TBC1D22A: variants seen among roughly 807,000 people sequenced by gnomAD.
The protein encoded by TBC1D22A is TBC1 domain family member 22A, also known as putative GTPase activator.
Under a neutral mutation model 60.2 loss-of-function variants are expected in TBC1D22A, and 38 were observed. That is an observed-to-expected ratio of 0.63 (90% CI 0.49 to 0.83). The LOEUF (loss-of-function observed/expected upper bound fraction) is 0.83. TBC1D22A is among the 40% of genes least tolerant of loss of function. The probability of loss-of-function intolerance (pLI) is 0.00; values close to 1 mark genes in which losing one functional copy is unlikely to be tolerated. For missense variants in TBC1D22A, 628 were observed against 701.0 expected, an observed-to-expected ratio of 0.90 and a Z score of 1.18; for synonymous variants, 302 against 281.7, an observed-to-expected ratio of 1.07 and a Z score of -0.72.
At chr22:46,989,509 A>G (rs2074853564) in intron 9 of TBC1D22A, among the ~76,000 whole-genome samples, 1 of 152,150 alleles carries the variant, frequency 6.6e-6, no homozygotes, top group Admixed American at 6.5e-5. Context: ...ACTTGGCCTA[A>G]TATCAATCTT....
chr22:46,901,748 A>G (rs1340499190), intron 7 of TBC1D22A, among the ~76,000 whole-genome samples: 1 of 152,134 alleles, frequency 6.6e-6, no homozygotes, highest in African/African-American at 2.4e-5. Context: ...CAGAAACTTG[A>G]GTTGTAAATA....
intron 5 of TBC1D22A, among the ~76,000 whole-genome samples, chr22:46,886,220 A>C (rs1173148616): frequency 6.6e-6 from 1 of 152,176 alleles, no homozygotes; most frequent in Non-Finnish European, 1.5e-5. Context: ...GAATTATGTG[A>C]ATCAATACGC....
At chr22:47,154,011 G>A (rs1283875193) in intron 12 of TBC1D22A, among the ~76,000 whole-genome samples, 1 of 152,122 alleles carries the variant, frequency 6.6e-6, no homozygotes. Flanking sequence ...GGAGGTGTGA[G>A]TGGCTGTGAG....
chr22:47,167,776 G>A (rs1442714447), intron 12 of TBC1D22A, among the ~76,000 whole-genome samples: 1 of 152,184 alleles, frequency 6.6e-6, no homozygotes, highest in Non-Finnish European at 1.5e-5. Context: ...TGGATAAAGG[G>A]CATCATTCAG....
chr22:47,035,826 C>T (rs528856998), intron 10 of TBC1D22A, among the ~76,000 whole-genome samples: 31 of 152,290 alleles, frequency 2.0e-4, no homozygotes, highest in Admixed American at 1.9e-3. Context: ...GGCCGGCACC[C>T]GCATGTCTTA....
rs2061687822 is a variant in TBC1D22A at position 47,009,469 on chromosome 22, G to GTCATAACTATCACCATCATT, written c.1201+11764_1201+11765insAACTATCACCATCATTTCAT. On this transcript the variant is annotated intron_variant, in intron 10 of 12. Transcript: ENST00000337137. This position sits in a 1 kb window ranked among gnomAD's most constrained non-coding sequence, Gnocchi z 5.8. ...CACCATCATTTCTGTCATCACCATC[G>GTCATAACTATCACCATCATT]TCATCACTATCACCATCATTTCATC... is the stretch of plus-strand genomic sequence containing the variant. Among the ~76,000 whole-genome samples, 1 of 129,710 alleles carries GTCATAACTATCACCATCATT rather than the reference G, an allele frequency of 7.7e-6. No individual in the cohort carries two copies. The highest frequency in any genetic ancestry group is 1.6e-5 in the Non-Finnish European group (1 of 60,884). The allele number at this position is 129,710 out of a possible 152,430, so 85.1% of individuals were successfully genotyped here.
rs375504017 is a variant in TBC1D22A, at chr22:47,139,509, G to A, written c.1425+27906G>A. ...GCTCTGGTCTCCACCCAGCTCCTGC[G>A]TTCCCTCCTGTACATTGAGCAGAGC... is the stretch of plus-strand genomic sequence containing the variant. On this transcript the variant is annotated intron_variant, in intron 12 of 12. Transcript: ENST00000337137. Among the ~76,000 whole-genome samples, 316 of 152,308 alleles carry A rather than the reference G, an allele frequency of 2.1e-3. 1 individual carries two copies. Among genetic ancestry groups the A allele is most frequent in the African/African-American group, 7.1e-3 (295 of 41,564 alleles).
At chr22:46,900,767 C>T (rs1425655859) in intron 7 of TBC1D22A, among the ~76,000 whole-genome samples, 3 of 152,140 alleles carry the variant, frequency 2.0e-5, no homozygotes, top group Non-Finnish European at 4.4e-5. Flanking sequence ...ATGGCCGTAC[C>T]ACAGTGTGTC....
chr22:47,069,149 CTAA>C (rs1175473692), intron 11 of TBC1D22A, among the ~76,000 whole-genome samples: 2 of 152,150 alleles, frequency 1.3e-5, no homozygotes, highest in East Asian at 3.8e-4. Context: ...ATTGCAAAAT[CTAA>C]TAATACCACA....
At chr22:47,159,330 TACAC>T (rs200271512) in intron 12 of TBC1D22A, among the ~76,000 whole-genome samples, 2 of 119,330 alleles carry the variant, frequency 1.7e-5, no homozygotes, top group South Asian at 2.3e-4. Flanking sequence ...CACACATGTA[TACAC>T]ACACACCATG....
chr22:46,772,078 T>C (rs9680567), intron 1 of TBC1D22A, among the ~76,000 whole-genome samples: 54,808 of 117,506 alleles, frequency 0.47, 12,319 homozygotes, highest in Middle Eastern at 0.59. Flanking sequence ...TACACACATA[T>C]ACATATATAT....
chr22:47,125,343 C>G (rs942961874), intron 12 of TBC1D22A, among the ~76,000 whole-genome samples: 1 of 152,308 alleles, frequency 6.6e-6, no homozygotes, highest in South Asian at 2.1e-4. Flanking sequence ...AGCTAAGAGG[C>G]GTGCCCTGGA....
intron 12 of TBC1D22A, among the ~76,000 whole-genome samples, chr22:47,125,635 C>T (rs184836267): frequency 3.5e-4 from 54 of 152,292 alleles, no homozygotes; most frequent in African/African-American, 1.2e-3. Context: ...GGGAGAGACT[C>T]TGGGGTGACT....
intron 12 of TBC1D22A, among the ~76,000 whole-genome samples, chr22:47,147,334 C>G (rs1031060349): frequency 2.6e-5 from 4 of 152,224 alleles, no homozygotes; most frequent in African/African-American, 9.6e-5. Flanking sequence ...CTCGTAAAAA[C>G]CATTTCTGTG....
At chr22:47,156,092 A>G (rs1194868151) in intron 12 of TBC1D22A, among the ~76,000 whole-genome samples, 1 of 152,146 alleles carries the variant, frequency 6.6e-6, no homozygotes, top group Non-Finnish European at 1.5e-5. Flanking sequence ...CTGTCCTCCC[A>G]GATGGCTGAA....
At chr22:46,933,629 G>GGGC in intron 8 of TBC1D22A, among the ~76,000 whole-genome samples, 1 of 152,192 alleles carries the variant, frequency 6.6e-6, no homozygotes, top group Admixed American at 6.5e-5. Context: ...GACCACTGGG[G>GGGC]GGGGGTTGGC....
At chr22:47,037,979 A>C (rs1476028486) in intron 11 of TBC1D22A, among the ~76,000 whole-genome samples, 3 of 152,244 alleles carry the variant, frequency 2.0e-5, no homozygotes, top group Non-Finnish European at 4.4e-5. Flanking sequence ...AATTCTGATG[A>C]AATTCAATTC....
chr22:47,022,565 C>A (rs1469446361), intron 10 of TBC1D22A, among the ~76,000 whole-genome samples: 12 of 150,740 alleles, frequency 8.0e-5, no homozygotes, highest in African/African-American at 2.5e-4. Flanking sequence ...AAAAAAAACA[C>A]CAAAACAAAC....
chr22:47,155,622 C>T (rs775609591), intron 12 of TBC1D22A, among the ~76,000 whole-genome samples: 20 of 152,202 alleles, frequency 1.3e-4, no homozygotes, highest in East Asian at 3.9e-4. Flanking sequence ...CCGGCGAGGA[C>T]GCGTAACACT....
Sources: gnomAD v4.1 joint callset for allele counts (sites outside exome capture counted in the v4.1 genomes callset) on GRCh38, gnomAD v4.1.1 for gene constraint, Gnocchi (gnomAD v3.1) non-coding constraint, MANE v1.5 for transcripts, NCBI Gene and HGNC (gene_info 2026-07-23, HGNC 2026-07-21) for gene names.